PTCH1: variants seen among roughly 807,000 people sequenced by gnomAD.
PTCH1 encodes the protein patched 1, also known as protein patched homolog 1.
In PTCH1, 14 loss-of-function variants were observed where a neutral mutation model predicts 144.6. The ratio of observed to expected loss-of-function variants is 0.10; its 90% CI spans 0.06 to 0.15. PTCH1 has a LOEUF of 0.15. Among genes scored for constraint, PTCH1 ranks in the 10% least tolerant of loss-of-function variants. PTCH1 has a pLI of 1.00. For missense variants in PTCH1, 1,623 were observed against 1,948.3 expected, an observed-to-expected ratio of 0.83 and a Z score of 3.14; for synonymous variants, 833 against 793.6, an observed-to-expected ratio of 1.05 and a Z score of -0.83.
At chr9:95,493,992 G>A (rs1431487023) in intron 2 of PTCH1, among the ~76,000 whole-genome samples, 1 of 152,134 alleles carries the variant, frequency 6.6e-6, no homozygotes, top group Non-Finnish European at 1.5e-5. Context: ...TCAGCCCAAA[G>A]AGAATGTGCC....
chr9:95,474,004 G>T, intron 12 of PTCH1: 1 of 458,832 alleles, frequency 2.2e-6, no homozygotes, highest in Non-Finnish European at 4.4e-6. Context: ...TCTCTGTAAG[G>T]TGCTTACCTT....
intron 15 of PTCH1, among the ~76,000 whole-genome samples, chr9:95,463,259 T>G (rs1282066014): frequency 6.6e-6 from 1 of 152,030 alleles, no homozygotes; most frequent in Admixed American, 6.5e-5. Flanking sequence ...GGCCCCCTTC[T>G]GTCTCTCTAA....
At position 95,508,144 on chromosome 9, in the gene PTCH1, G is replaced by C. The variant is rs750650083; in HGVS notation, c.201+17C>G. 1.2e-6 allele frequency: 2 copies of C among 1,612,338 alleles called. No homozygotes were observed. Among genetic ancestry groups the C allele is most frequent in the South Asian group, 2.2e-5 (2 of 91,014 alleles). ...GAGGAGGGAAGAGAAAGTGGGAGGA[G>C]AGAGTCTGAAATGCACCTTGGAAAT... On this transcript the variant is annotated intron_variant, in intron 1 of 23. Coordinates refer to ENST00000331920, the MANE Select transcript of PTCH1 (RefSeq NM_000264.5).
At chr9:95,488,208 T>C (rs1332858027) in intron 2 of PTCH1, among the ~76,000 whole-genome samples, 1 of 152,234 alleles carries the variant, frequency 6.6e-6, no homozygotes, top group Non-Finnish European at 1.5e-5. Flanking sequence ...CCTTTTTAGA[T>C]GTTTTAAGAT....
chr9:95,467,091 A>AGAG, intron 15 of PTCH1, 25 bp downstream of exon 15: 1 of 1,612,098 alleles, frequency 6.2e-7, no homozygotes, highest in Non-Finnish European at 8.5e-7. Context: ...GACCGAAAGG[A>AGAG]CGAGAGCCTC....
rs2136576448 is a variant in PTCH1, at chr9:95,447,155, G to A, written c.4101C>T (p.Pro1367=). The part of the protein sequence containing the change: ...MGSSVPGYCQ[P]ITTVTASASV... ...AGGCAGAAGCCGTCACAGTGGTGAT[G>A]GGCTGGCAGTAGCCGGGCACGGAGC... The change falls in exon 23 of 24, where the codon CCC becomes CCT. Residue 1367 remains proline (P), a synonymous_variant. Transcript: ENST00000331920. 6.2e-7 allele frequency: 1 copy of A among 1,613,244 alleles called. No individual in the cohort carries two copies. Among genetic ancestry groups the A allele is most frequent in the East Asian group, 2.2e-5 (1 of 44,866 alleles).
At chr9:95,468,642 A>AT (rs35352942) in intron 14 of PTCH1, 109 bp downstream of exon 14, 52,699 of 1,173,462 alleles carry the variant, frequency 0.045, 16 homozygotes, top group Middle Eastern at 0.06. Context: ...CTTAAACGAA[A>AT]TTTTTTTTTT....
At chr9:95,451,559 G>A (rs544614689) in intron 20 of PTCH1, 12 of 152,132 alleles carry the variant, frequency 7.9e-5, no homozygotes, top group Non-Finnish European at 1.3e-4. Flanking sequence ...AAGGCTGAGC[G>A]AGACCCTCCT....
At chr9:95,479,387 C>A (rs1325450030) in intron 7 of PTCH1, among the ~76,000 whole-genome samples, 6 of 152,118 alleles carry the variant, frequency 3.9e-5, no homozygotes. Flanking sequence ...AATTAATAGG[C>A]AATTTCCTTT....
intron 2 of PTCH1, among the ~76,000 whole-genome samples, chr9:95,501,226 C>T (rs559969499): frequency 6.6e-6 from 1 of 152,152 alleles, no homozygotes; most frequent in African/African-American, 2.4e-5. Context: ...CTGGCAATGA[C>T]TGGAAACATT....
Position 95,476,261 on chromosome 9 carries a change from T to G in PTCH1, c.1603-102A>C. On this transcript the variant is annotated intron_variant, in intron 11 of 23. Transcript: ENST00000331920. This position sits in a 1 kb window ranked among gnomAD's most constrained non-coding sequence, Gnocchi z 4.6. ...CGTGGCAGAATAACACAACTGTTAT[T>G]ACAGCTTATCATGCTGGCATTAGGG... The G allele has an allele frequency of 6.7e-7, 1 of 1,501,852 alleles. No homozygotes were observed. The highest frequency in any genetic ancestry group is 9.0e-7 in the Non-Finnish European group (1 of 1,112,674). The allele number at this position is 1,501,852 out of a possible 1,614,324, so 93.0% of individuals were successfully genotyped here. A position where few individuals can be genotyped will look rare whatever the true frequency, so the allele number is the denominator to read the frequency against.
rs1007343175 is a variant in PTCH1, at chr9:95,443,103, A to T, written c.*3290T>A. 1.4e-4 allele frequency: 21 copies of T among 152,354 alleles called. No individual in the cohort carries two copies. The highest frequency in any genetic ancestry group is 5.0e-4 in the African/African-American group (21 of 41,588). The allele number at this position is 152,354 out of a possible 1,614,324, so 9.4% of individuals were successfully genotyped here. On this transcript the variant is annotated 3_prime_UTR_variant, in exon 24 of 24. Coordinates refer to ENST00000331920, the MANE Select transcript of PTCH1 (RefSeq NM_000264.5). ...TGGTTAACTTAGGAAGTTTCTTGGT[A>T]TGAGAAAACAAAAATAGGGTCAGGT... is the stretch of plus-strand genomic sequence containing the variant.
chr9:95,496,056 G>A (rs1017569337), intron 2 of PTCH1, among the ~76,000 whole-genome samples: 1 of 152,182 alleles, frequency 6.6e-6, no homozygotes, highest in African/African-American at 2.4e-5. Flanking sequence ...TCACCAACAA[G>A]AGAAAAGGAG....
chr9:95,478,707 C>T (rs1201395300), intron 8 of PTCH1, among the ~76,000 whole-genome samples: 2 of 152,156 alleles, frequency 1.3e-5, no homozygotes, highest in African/African-American at 4.8e-5. Context: ...CTAATGTTTT[C>T]CAGACACCTT....
intron 3 of PTCH1, among the ~76,000 whole-genome samples, chr9:95,485,084 T>C (rs956317685): frequency 6.6e-6 from 1 of 152,040 alleles, no homozygotes; most frequent in Non-Finnish European, 1.5e-5. Context: ...TGGGCGCCTC[T>C]AGCCCCAGCT....
At chr9:95,472,383 G>T (rs1840663816) in intron 12 of PTCH1, among the ~76,000 whole-genome samples, 1 of 152,114 alleles carries the variant, frequency 6.6e-6, no homozygotes. Flanking sequence ...GTGAGATCTG[G>T]TCCCTTACTG....
chr9:95,469,919 C>T lies in PTCH1; in HGVS notation c.1741G>A (p.Val581Met), dbSNP rs1468340502. 2 of 1,613,974 alleles carry T rather than the reference C, an allele frequency of 1.2e-6. No homozygotes were observed. The highest frequency in any genetic ancestry group is 1.3e-5 in the African/African-American group (1 of 75,036). The change falls in exon 13 of 24, where the codon GTG becomes ATG. Residue 581 changes from valine to methionine, a missense_variant. By Grantham distance (21) the Val-to-Met change is conservative. Transcript: ENST00000331920. ...RAFSLQAAVVVVFNFAMVLLI... is the reference protein window; with the variant it reads ...RAFSLQAAVVMVFNFAMVLLI... ...AGAACCATGGCAAAATTGAACACCA[C>T]TACTACCGCTGCCTGGGAGCAGAAA... is the stretch of plus-strand genomic sequence containing the variant.
rs575587328 is a variant in PTCH1 at position 95,489,149 on chromosome 9, T to A, written c.395-3275A>T. On this transcript the variant is annotated intron_variant, in intron 2 of 23. Coordinates refer to ENST00000331920, the MANE Select transcript of PTCH1 (RefSeq NM_000264.5). ...ACAGAAACCCTTCAGGATAGAGCAA[T>A]TTTACTGACTCGTCTGACATTTGCT... Among the ~76,000 whole-genome samples, 13 of 152,280 alleles carry A rather than the reference T, an allele frequency of 8.5e-5. No individual in the cohort carries two copies. In the East Asian group the frequency reaches 2.5e-3, roughly 29 times the overall value.
At chr9:95,459,543 A>G in intron 17 of PTCH1, 57 bp downstream of exon 17, 1 of 1,597,080 alleles carries the variant, frequency 6.3e-7, no homozygotes, top group Non-Finnish European at 8.6e-7. Context: ...CTGAGTTTGG[A>G]GAACCAGGGA....
Sources: allele counts gnomAD v4.1 joint callset (sites outside exome capture counted in the v4.1 genomes callset), GRCh38; gene constraint gnomAD v4.1.1; non-coding constraint Gnocchi (gnomAD v3.1); transcripts MANE v1.5; gene names NCBI Gene and HGNC (gene_info 2026-07-23, HGNC 2026-07-21).